The following DDX19B variants were observed in gnomAD, a reference collection of about 807,000 sequenced individuals.
DDX19B encodes DEAD-box helicase 19B, also known as ATP-dependent RNA helicase DDX19B.
DDX19B carries 27 observed loss-of-function variants against 58.1 expected under a neutral mutation model. The observed-to-expected ratio is 0.46, with a 90% CI of 0.34 to 0.64. The LOEUF is 0.64. Among genes scored for constraint, DDX19B ranks in the 30% least tolerant of loss-of-function variants. DDX19B has a pLI of 0.01. For synonymous variants in DDX19B, 187 were observed against 214.4 expected (o/e 0.87, Z 1.12); for missense variants, 399 against 596.5 (o/e 0.67, Z 3.45).
intron 7 of DDX19B, among the ~76,000 whole-genome samples, chr16:70,327,201 G>A (rs1398005198): frequency 3.3e-5 from 5 of 151,976 alleles, no homozygotes; most frequent in East Asian, 3.9e-4. Context: ...CTCCAGGCAC[G>A]AGCCACCGTG....
chr16:70,316,172 A>G (rs892661226), intron 4 of DDX19B, 68 bp downstream of exon 4: 59 of 1,585,212 alleles, frequency 3.7e-5, no homozygotes, highest in East Asian at 1.8e-4. Flanking sequence ...TCTGTTATAG[A>G]TATCTTTTGA....
intron 1 of DDX19B, among the ~76,000 whole-genome samples, chr16:70,305,010 G>T (rs1961684847): frequency 5.3e-5 from 8 of 151,980 alleles, no homozygotes; most frequent in Admixed American, 4.6e-4. Flanking sequence ...ATATATTTCA[G>T]TGTCTACTTT....
intron 2 of DDX19B, among the ~76,000 whole-genome samples, chr16:70,313,298 G>T (rs1962183247): frequency 6.6e-6 from 1 of 152,126 alleles, no homozygotes; most frequent in African/African-American, 2.4e-5. Context: ...GATTATAGGT[G>T]TGAGCCACTG....
chr16:70,306,491 T>C (rs994462140), intron 1 of DDX19B, among the ~76,000 whole-genome samples: 23 of 152,204 alleles, frequency 1.5e-4, no homozygotes, highest in Non-Finnish European at 2.9e-4. Context: ...AACCTATTAA[T>C]GTGCCTAAGA....
Position 70,329,941 on chromosome 16 carries a change from G to T in DDX19B, c.896G>T (p.Arg299Leu), listed in dbSNP as rs755300743. 1 of 1,614,250 alleles carries T rather than the reference G, an allele frequency of 6.2e-7. No individual in the cohort carries two copies. The highest frequency in any genetic ancestry group is 8.5e-7 in the Non-Finnish European group (1 of 1,180,052). Residue 299 changes from arginine to leucine, a missense_variant, in exon 9 of 12, where the codon CGT (arginine) becomes CTT (leucine). Physicochemically the swap from Arg to Leu is moderately radical, Grantham distance 102 (BLOSUM62 -2). Transcript: ENST00000288071. Reference sequence around the variant, plus strand: ...GACCCAAACGTTATCAAACTGAAGCGTGAGGAAGAGACCCTGGACACCATC... The same window carrying T: ...GACCCAAACGTTATCAAACTGAAGCTTGAGGAAGAGACCCTGGACACCATC... ...VPDPNVIKLK[R>L]EEETLDTIKQ... is the part of the protein sequence containing the mutation.
upstream of DDX19B, among the ~76,000 whole-genome samples, chr16:70,293,597 A>ATTTT (rs71151182): frequency 3.3e-3 from 253 of 77,004 alleles, 30 homozygotes; most frequent in Middle Eastern, 0.018. Context: ...GGATGGCTGA[A>ATTTT]TTTTTTTTTT....
exon 1 of DDX19B, chr16:70,289,771 C>A: frequency 2.3e-6 from 1 of 433,038 alleles, no homozygotes; most frequent in South Asian, 1.6e-5. Flanking sequence ...CCCCCCGCCC[C>A]CGGCTCCCGG....
At chr16:70,321,965 A>G (rs145844916) in intron 5 of DDX19B, among the ~76,000 whole-genome samples, 10,840 of 151,616 alleles carry the variant, frequency 0.071, 1,292 homozygotes, top group African/African-American at 0.25. Context: ...AACCTGGGAG[A>G]CGGAGGTTGC....
chr16:70,324,437 T>C (rs1409939981), intron 5 of DDX19B, 148 bp from the exon 6 acceptor site: 1 of 564,074 alleles, frequency 1.8e-6, no homozygotes, highest in South Asian at 2.1e-5. Context: ...CTTATTTCTA[T>C]AGTGCCCTGT....
intron 3 of DDX19B, chr16:70,315,767 A>C: frequency 1.6e-6 from 1 of 628,570 alleles, no homozygotes; most frequent in Non-Finnish European, 2.5e-6. Flanking sequence ...TCTGGAAAAG[A>C]ATATGAGGCC....
At chr16:70,292,768 A>G (rs988455040), upstream of DDX19B, among the ~76,000 whole-genome samples, 2 of 152,184 alleles carry the variant, frequency 1.3e-5, no homozygotes, top group Non-Finnish European at 2.9e-5. Context: ...CTGAAATAGT[A>G]CAACAGCTGT....
At chr16:70,308,144 G>A (rs1378510630) in intron 1 of DDX19B, among the ~76,000 whole-genome samples, 1 of 151,674 alleles carries the variant, frequency 6.6e-6, no homozygotes, top group Non-Finnish European at 1.5e-5. Flanking sequence ...GTAGAGACAG[G>A]TTTTCACCAT....
At chr16:70,317,774 C>CAAA in intron 5 of DDX19B, 186 bp downstream of exon 5, 15 of 291,626 alleles carry the variant, frequency 5.1e-5, no homozygotes, top group Admixed American at 2.1e-4. Flanking sequence ...CCTGTCTCAA[C>CAAA]AAAAAAAAAA....
At chr16:70,320,371 G>GT (rs778237372) in intron 5 of DDX19B, among the ~76,000 whole-genome samples, 6,895 of 126,864 alleles carry the variant, frequency 0.054, 562 homozygotes, top group African/African-American at 0.17. Flanking sequence ...GCCTCCCCCA[G>GT]TTTTTTTTTT....
intron 1 of DDX19B, among the ~76,000 whole-genome samples, chr16:70,304,196 A>G (rs1386576981): frequency 6.6e-6 from 1 of 151,418 alleles, no homozygotes; most frequent in African/African-American, 2.4e-5. Context: ...ACCCACCACT[A>G]TGCCCAGCTA....
At chr16:70,301,318 A>T (rs370015137) in intron 1 of DDX19B, among the ~76,000 whole-genome samples, 23 of 152,314 alleles carry the variant, frequency 1.5e-4, no homozygotes, top group African/African-American at 4.3e-4. Flanking sequence ...TTGGCTGGGT[A>T]TAGAATTGTA....
chr16:70,324,483 A>C, intron 5 of DDX19B, 102 bp from the exon 6 acceptor site: 1 of 992,466 alleles, frequency 1.0e-6, no homozygotes, highest in Non-Finnish European at 1.5e-6. Flanking sequence ...CTGCTACATA[A>C]TCCAAGGTCT....
intron 5 of DDX19B, among the ~76,000 whole-genome samples, chr16:70,322,588 C>CAAA (rs568610716): frequency 5.1e-4 from 24 of 47,402 alleles, no homozygotes; most frequent in Non-Finnish European, 6.4e-4. Context: ...GACCTTGTCT[C>CAAA]AAAAAAAAAA....
intron 1 of DDX19B, among the ~76,000 whole-genome samples, chr16:70,299,780 A>T (rs1367104142): frequency 6.6e-6 from 1 of 152,050 alleles, no homozygotes; most frequent in African/African-American, 2.4e-5. Flanking sequence ...CCGGTTTGTA[A>T]TAGTTATTTT....
Sources: allele counts gnomAD v4.1 joint callset (sites outside exome capture counted in the v4.1 genomes callset), GRCh38; gene constraint gnomAD v4.1.1; transcripts MANE v1.5; gene names NCBI Gene and HGNC (gene_info 2026-07-23, HGNC 2026-07-21).